Variants in NALF1 observed in about 807,000 individuals in gnomAD.
NALF1 encodes the protein family with sequence similarity 155 member A.
In NALF1, 3 loss-of-function variants were observed where a neutral mutation model predicts 48.4. The observed-to-expected ratio is 0.06, with a 90% CI of 0.03 to 0.16. The LOEUF (loss-of-function observed/expected upper bound fraction) is 0.16, where lower values mean the gene tolerates loss of function less well. Among genes scored for constraint, NALF1 ranks in the 10% least tolerant of loss-of-function variants. The probability of loss-of-function intolerance (pLI) is 1.00; values close to 1 mark genes in which losing one functional copy is unlikely to be tolerated. For missense variants in NALF1, 526 were observed against 571.5 expected (o/e 0.92, Z 0.81); for synonymous variants, 262 against 245.7 (o/e 1.07, Z -0.62).
At chr13:107,392,540 T>C (rs1418990899) in intron 1 of NALF1, among the ~76,000 whole-genome samples, 1 of 152,160 alleles carries the variant, frequency 6.6e-6, no homozygotes, top group East Asian at 1.9e-4. Flanking sequence ...TGTAAACATT[T>C]CCAAGGGCAA....
chr13:107,273,285 T>G (rs1881213089), intron 1 of NALF1, among the ~76,000 whole-genome samples: 1 of 152,248 alleles, frequency 6.6e-6, no homozygotes, highest in African/African-American at 2.4e-5. Flanking sequence ...CACTGTGTAT[T>G]CTTAACATTA....
intron 1 of NALF1, among the ~76,000 whole-genome samples, chr13:107,283,657 TTTAC>T (rs751090181): frequency 0.047 from 6,039 of 128,706 alleles, 172 homozygotes; most frequent in Middle Eastern, 0.13. Context: ...TATTTATTTA[TTTAC>T]TATTTTTGTT....
chr13:107,712,510 G>C (rs1875628106), intron 1 of NALF1, among the ~76,000 whole-genome samples: 1 of 152,118 alleles, frequency 6.6e-6, no homozygotes, highest in South Asian at 2.1e-4. Context: ...ACAAGCCACA[G>C]AGATTAATAT....
At chr13:107,562,060 G>A (rs1877663341) in intron 1 of NALF1, among the ~76,000 whole-genome samples, 1 of 152,150 alleles carries the variant, frequency 6.6e-6, no homozygotes, top group African/African-American at 2.4e-5. Context: ...TGGTTGCCTA[G>A]TAGTCTATCT....
intron 1 of NALF1, among the ~76,000 whole-genome samples, chr13:107,359,417 A>G (rs1442352267): frequency 6.6e-6 from 1 of 152,100 alleles, no homozygotes; most frequent in South Asian, 2.1e-4. Context: ...AGCCATATTT[A>G]TAACTGAAGT....
intron 1 of NALF1, among the ~76,000 whole-genome samples, chr13:107,500,812 G>T (rs1387218689): frequency 6.6e-6 from 1 of 151,866 alleles, no homozygotes; most frequent in South Asian, 2.1e-4. Flanking sequence ...TAGGGACATG[G>T]ATGAAATTGG....
intron 1 of NALF1, among the ~76,000 whole-genome samples, chr13:107,243,658 A>G (rs1594086278): frequency 6.6e-6 from 1 of 152,194 alleles, no homozygotes; most frequent in East Asian, 1.9e-4. Flanking sequence ...AAAGAACTAG[A>G]GACATTTAAC....
At position 107,741,654 on chromosome 13, in the gene NALF1, A is replaced by G. The variant is rs1876641230; in HGVS notation, c.915+124028T>C. On this transcript the variant is annotated intron_variant, in intron 1 of 2. Coordinates refer to ENST00000375915, the MANE Select transcript of NALF1 (RefSeq NM_001080396.3). ...AGAAATTGGTATACTGTCTAGTTGG[A>G]ATTGACAGGTGTAGGACCAACACAC... 2.6e-5 allele frequency among the ~76,000 whole-genome samples: 4 copies of G among 152,164 alleles called. 1 individual carries two copies. Among genetic ancestry groups the G allele is most frequent in the Admixed American group, 2.6e-4 (4 of 15,274 alleles).
Position 107,867,490 on chromosome 13 carries a change from C to CT in NALF1, c.-895dup, listed in dbSNP as rs1274731949. ...CCGCCATCTTCGTCCTGGAGAAACA[C>CT]TTTTTTGGGGGGAGCGCTGGCTTTT... On this transcript the variant is annotated 5_prime_UTR_variant, in exon 1 of 3. Transcript: ENST00000375915. The surrounding 1 kb of genome is among the most constrained non-coding windows in gnomAD (Gnocchi z 4.4). Among the ~76,000 whole-genome samples the CT allele has an allele frequency of 2.0e-5, 3 of 149,380 alleles. No homozygotes were observed. The East Asian group carries it at 6.0e-4, about 30-fold the overall frequency.
At chr13:107,350,304 A>T (rs1444140706) in intron 1 of NALF1, among the ~76,000 whole-genome samples, 2 of 144,260 alleles carry the variant, frequency 1.4e-5, no homozygotes, top group Non-Finnish European at 3.0e-5. Flanking sequence ...ATTTTAACTG[A>T]GTTCCTGTAA....
chr13:107,782,607 G>A (rs1877928449), intron 1 of NALF1, among the ~76,000 whole-genome samples: 2 of 151,830 alleles, frequency 1.3e-5, no homozygotes, highest in Non-Finnish European at 2.9e-5. Flanking sequence ...TAGGAAGTGA[G>A]GAGCGCCTCT....
intron 1 of NALF1, among the ~76,000 whole-genome samples, chr13:107,602,695 A>G (rs1158663392): frequency 6.6e-6 from 1 of 152,212 alleles, no homozygotes; most frequent in African/African-American, 2.4e-5. Flanking sequence ...ATTCTATAAA[A>G]GGTTTAATTC....
intron 1 of NALF1, among the ~76,000 whole-genome samples, chr13:107,635,314 C>G (rs1028066764): frequency 1.6e-4 from 25 of 152,002 alleles, no homozygotes; most frequent in Non-Finnish European, 2.9e-4. Flanking sequence ...GCAGAAGGGG[C>G]AGCAAACATG....
At position 107,760,123 on chromosome 13, in the gene NALF1, C is replaced by A. The variant is rs966540663; in HGVS notation, c.915+105559G>T. Among the ~76,000 whole-genome samples, 25 of 152,174 alleles carry A rather than the reference C, an allele frequency of 1.6e-4. 1 individual carries two copies. The highest frequency in any genetic ancestry group is 4.1e-4 in the African/African-American group (17 of 41,438). On this transcript the variant is annotated intron_variant, in intron 1 of 2. Transcript: ENST00000375915. ...AGCAAACCTTAGCAAGTTATGCCAG[C>A]CTTTGCTGTCCAAGCTCAGGACATT...
intron 2 of NALF1, among the ~76,000 whole-genome samples, chr13:107,208,513 A>T (rs1466999020): frequency 6.6e-6 from 1 of 152,236 alleles, no homozygotes; most frequent in African/African-American, 2.4e-5. Flanking sequence ...AGATACATGT[A>T]GGAAAAAGAA....
chr13:107,854,775 G>A (rs1880401168), intron 1 of NALF1, among the ~76,000 whole-genome samples: 1 of 151,494 alleles, frequency 6.6e-6, no homozygotes. Flanking sequence ...TCGGGAGGCT[G>A]ACGCAGGAGA....
intron 1 of NALF1, among the ~76,000 whole-genome samples, chr13:107,317,354 G>A (rs567824971): frequency 4.6e-5 from 7 of 152,118 alleles, no homozygotes; most frequent in South Asian, 2.1e-4. Context: ...GCCAATCACC[G>A]ATTTTTAACA....
At chr13:107,507,214 C>T (rs1373732987) in intron 1 of NALF1, among the ~76,000 whole-genome samples, 1 of 151,932 alleles carries the variant, frequency 6.6e-6, no homozygotes, top group African/African-American at 2.4e-5. Context: ...CTAGGTTAGG[C>T]ATTTTATTAG....
chr13:107,610,609 G>A (rs1454820679), intron 1 of NALF1, among the ~76,000 whole-genome samples: 2 of 152,088 alleles, frequency 1.3e-5, no homozygotes, highest in African/African-American at 4.8e-5. Context: ...CCAGCCTCTG[G>A]ATTCTCAATC....
Sources: gnomAD v4.1 joint callset for allele counts (sites outside exome capture counted in the v4.1 genomes callset) on GRCh38, gnomAD v4.1.1 for gene constraint, Gnocchi (gnomAD v3.1) non-coding constraint, MANE v1.5 for transcripts, NCBI Gene and HGNC (gene_info 2026-07-23, HGNC 2026-07-21) for gene names.